PPARG: variants seen among roughly 807,000 people sequenced by gnomAD.
PPARG encodes peroxisome proliferator activated receptor gamma.
Under a neutral mutation model 39.2 loss-of-function variants are expected in PPARG, and 17 were observed. The ratio of observed to expected loss-of-function variants is 0.43; its 90% CI spans 0.30 to 0.65. The LOEUF is 0.65. PPARG is among the 30% of genes least tolerant of loss of function. The pLI is 0.13. For synonymous variants in PPARG, 223 were observed against 215.7 expected (o/e 1.03, Z -0.30); for missense variants, 406 against 585.9 (o/e 0.69, Z 3.17).
chr3:12,328,616 C>T (rs1039192022), intron 2 of PPARG, among the ~76,000 whole-genome samples: 4 of 152,222 alleles, frequency 2.6e-5, no homozygotes, highest in African/African-American at 9.6e-5. Context: ...ATCTGTCCCA[C>T]TCTGCTAAGC....
chr3:12,353,067 G>A (rs1164351784), intron 2 of PPARG, among the ~76,000 whole-genome samples: 2 of 152,162 alleles, frequency 1.3e-5, no homozygotes, highest in Non-Finnish European at 2.9e-5. Context: ...GGCAAGTACT[G>A]TTTGTGGTAA....
intron 7 of PPARG, among the ~76,000 whole-genome samples, chr3:12,420,012 C>T (rs1322280920): frequency 4.6e-5 from 7 of 152,154 alleles, no homozygotes; most frequent in African/African-American, 1.7e-4. Context: ...AAGTAAAGGG[C>T]TTTGCCCTCA....
chr3:12,290,762 C>CA (rs1367927148), intron 1 of PPARG, among the ~76,000 whole-genome samples: 2 of 152,074 alleles, frequency 1.3e-5, no homozygotes, highest in African/African-American at 4.8e-5. Context: ...TAATTATGTG[C>CA]ATGAAAGCTG....
chr3:12,368,183 C>CTT lies in PPARG; in HGVS notation c.-8-11516_-8-11515dup, dbSNP rs556381640. 1.2e-3 allele frequency among the ~76,000 whole-genome samples: 161 copies of CTT among 133,450 alleles called. 14 individuals are homozygous for CTT. The highest frequency in any genetic ancestry group is 1.7e-3 in the East Asian group (8 of 4,720). 87.5% of individuals were successfully genotyped at this position (133,450 alleles called of 152,430 possible). A position where few individuals can be genotyped will look rare whatever the true frequency, so the allele number is the denominator to read the frequency against. On this transcript the variant is annotated intron_variant, in intron 2 of 7. Coordinates refer to ENST00000651735, the MANE Select transcript of PPARG (RefSeq NM_138711.6). ...TAATAGTTTTCATTTTTTTCTTTTTCTTTTTTGTTTTTTTTTCAGACAGTG... is the reference window on the plus strand; with the variant it reads ...TAATAGTTTTCATTTTTTTCTTTTTCTTTTTTTTGTTTTTTTTTCAGACAGTG...
At chr3:12,311,766 C>A (rs2047252236) in intron 1 of PPARG, among the ~76,000 whole-genome samples, 1 of 152,100 alleles carries the variant, frequency 6.6e-6, no homozygotes, top group Non-Finnish European at 1.5e-5. Context: ...AATCCTAAGA[C>A]CCTAGGACCA....
rs568901079 is a variant in PPARG, at chr3:12,431,759, G to C, written c.1181-2139G>C. 4.6e-5 allele frequency among the ~76,000 whole-genome samples: 7 copies of C among 152,172 alleles called. No homozygotes were observed. In the East Asian group the frequency reaches 1.4e-3, roughly 29 times the overall value. On this transcript the variant is annotated intron_variant, in intron 7 of 7. Transcript: ENST00000651735. ...GTTTAAGACCAGCCTGGGCTACGTA[G>C]CAAGACCCCACCTCTACAAAAAATT... is the stretch of plus-strand genomic sequence containing the variant.
intron 2 of PPARG, among the ~76,000 whole-genome samples, chr3:12,377,304 G>A (rs1455473073): frequency 6.6e-6 from 1 of 151,904 alleles, no homozygotes; most frequent in East Asian, 1.9e-4. Context: ...GTTTTGTTTT[G>A]TTTTTGTTTT....
intron 2 of PPARG, among the ~76,000 whole-genome samples, chr3:12,354,282 A>G (rs749956013): frequency 1.3e-5 from 2 of 152,124 alleles, no homozygotes; most frequent in East Asian, 1.9e-4. Flanking sequence ...TAAGCACGCC[A>G]TTTTTCTTCT....
intron 2 of PPARG, among the ~76,000 whole-genome samples, chr3:12,362,140 A>G (rs1334874826): frequency 6.6e-6 from 1 of 152,136 alleles, no homozygotes; most frequent in Non-Finnish European, 1.5e-5. Flanking sequence ...TAGAAATATA[A>G]TTGGTTTTTG....
chr3:12,309,161 A>G (rs1455940282), intron 1 of PPARG, among the ~76,000 whole-genome samples: 1 of 152,206 alleles, frequency 6.6e-6, no homozygotes, highest in African/African-American at 2.4e-5. Context: ...ATTTTGGGAA[A>G]TGCTGCTCTT....
At chr3:12,431,603 C>A (rs1313513826) in intron 7 of PPARG, among the ~76,000 whole-genome samples, 1 of 151,856 alleles carries the variant, frequency 6.6e-6, no homozygotes, top group Non-Finnish European at 1.5e-5. Context: ...AATAGATAAA[C>A]CTTTGACAAA....
intron 4 of PPARG, among the ~76,000 whole-genome samples, chr3:12,386,718 C>CT (rs1321579333): frequency 4.6e-5 from 7 of 151,808 alleles, no homozygotes; most frequent in South Asian, 2.1e-4. Context: ...GTTATCTTTT[C>CT]TTTTTTTTAT....
intron 6 of PPARG, among the ~76,000 whole-genome samples, chr3:12,409,147 T>A (rs2050784480): frequency 1.3e-5 from 2 of 152,258 alleles, no homozygotes; most frequent in Admixed American, 1.3e-4. Flanking sequence ...ATTTGCTTAA[T>A]TGAATTAAAC....
At chr3:12,344,346 G>A (rs1413071266) in intron 2 of PPARG, among the ~76,000 whole-genome samples, 1 of 151,644 alleles carries the variant, frequency 6.6e-6, no homozygotes, top group African/African-American at 2.4e-5. Flanking sequence ...CAAATGTAAA[G>A]TTCTAGATTG....
At chr3:12,326,988 C>A (rs749356972) in intron 2 of PPARG, among the ~76,000 whole-genome samples, 2 of 152,016 alleles carry the variant, frequency 1.3e-5, no homozygotes, top group Non-Finnish European at 2.9e-5. Context: ...TTTTTTCCTC[C>A]TTTAAAGGTT....
At chr3:12,333,665 C>A (rs980808244) in intron 2 of PPARG, among the ~76,000 whole-genome samples, 2 of 152,146 alleles carry the variant, frequency 1.3e-5, no homozygotes, top group African/African-American at 4.8e-5. Context: ...TCTCCCCCAT[C>A]ATGCTTATGC....
At chr3:12,347,775 T>C (rs2048369704) in intron 2 of PPARG, among the ~76,000 whole-genome samples, 1 of 152,178 alleles carries the variant, frequency 6.6e-6, no homozygotes, top group South Asian at 2.1e-4. Flanking sequence ...ATGATACATG[T>C]GATATGGATG....
chr3:12,320,979 A>G (rs994073545), intron 2 of PPARG, among the ~76,000 whole-genome samples: 3 of 152,192 alleles, frequency 2.0e-5, no homozygotes, highest in African/African-American at 2.4e-5. Context: ...TCTTTTTAAT[A>G]TTTTTGTTTG....
intron 2 of PPARG, among the ~76,000 whole-genome samples, chr3:12,368,183 C>CTTT (rs556381640): frequency 0.054 from 7,235 of 133,356 alleles, 449 homozygotes; most frequent in Non-Finnish European, 0.079. Context: ...TTTTCTTTTT[C>CTTT]TTTTTTGTTT....
Sources: gnomAD v4.1 joint callset for allele counts (sites outside exome capture counted in the v4.1 genomes callset) on GRCh38, gnomAD v4.1.1 for gene constraint, MANE v1.5 for transcripts, NCBI Gene and HGNC (gene_info 2026-07-23, HGNC 2026-07-21) for gene names.